UBAP2L: variants seen among roughly 807,000 people sequenced by gnomAD.
The protein encoded by UBAP2L is ubiquitin associated protein 2 like.
Under a neutral mutation model 130.6 loss-of-function variants are expected in UBAP2L, and 12 were observed. The ratio of observed to expected loss-of-function variants is 0.09; its 90% CI spans 0.06 to 0.15. The LOEUF (loss-of-function observed/expected upper bound fraction) is 0.15, where lower values mean the gene tolerates loss of function less well. Ranked by LOEUF, UBAP2L falls within the 10% of genes least tolerant of loss-of-function variation. UBAP2L has a pLI of 1.00. For missense variants in UBAP2L, 965 were observed against 1,332.5 expected, an observed-to-expected ratio of 0.72 and a Z score of 4.29; for synonymous variants, 503 against 524.7, an observed-to-expected ratio of 0.96 and a Z score of 0.57.
chr1:154,260,808 T>C (rs1681320379), intron 22 of UBAP2L, 84 bp from the exon 23 acceptor site: 5 of 1,338,808 alleles, frequency 3.7e-6, no homozygotes, highest in Non-Finnish European at 5.3e-6. Context: ...CAGGATCTCC[T>C]GGAATCATGT....
intron 10 of UBAP2L, among the ~76,000 whole-genome samples, chr1:154,244,376 TG>T (rs1247983924): frequency 6.6e-6 from 1 of 152,154 alleles, no homozygotes; most frequent in Non-Finnish European, 1.5e-5. Context: ...ACTGTTTTTT[TG>T]TTTTTGTTTT....
chr1:154,241,301 T>C (rs896789513), intron 8 of UBAP2L, among the ~76,000 whole-genome samples: 18 of 152,122 alleles, frequency 1.2e-4, no homozygotes, highest in Non-Finnish European at 2.4e-4. Context: ...TTGGTCAGGC[T>C]GGTCTCGAAC....
At chr1:154,256,339 T>G (rs920912865) in intron 18 of UBAP2L, among the ~76,000 whole-genome samples, 2 of 152,150 alleles carry the variant, frequency 1.3e-5, no homozygotes, top group Non-Finnish European at 2.9e-5. Flanking sequence ...AGTTTCAGAT[T>G]TAAAGTCAGA....
Position 154,257,217 on chromosome 1 carries a change from C to T in UBAP2L, c.2312C>T (p.Thr771Ile). 1 of 1,614,262 alleles carries T rather than the reference C, an allele frequency of 6.2e-7. No individual in the cohort carries two copies. Among genetic ancestry groups the T allele is most frequent in the Non-Finnish European group, 8.5e-7 (1 of 1,180,050 alleles). ...GGCCTCAGCCTAGGCAGCAACTCCA[C>T]TGTCACAGCCTCGACTCGAAGCTCA... Reference protein sequence around the residue: ...SLGLSLGSNSTVTASTRSSVA... With the variant: ...SLGLSLGSNSIVTASTRSSVA... The change falls in exon 19 of 27, where the codon ACT becomes ATT. Residue 771 changes from threonine to isoleucine, a missense_variant. Physicochemically the swap from Thr to Ile is moderately conservative, Grantham distance 89. Around this residue, in one of 9 missense-constraint regions of UBAP2L, gnomAD observed 393 missense variants for 408.1 expected, o/e 0.96. Transcript: ENST00000428931.
chr1:154,255,770 G>A lies in UBAP2L; in HGVS notation c.2157+15G>A. On this transcript the variant is annotated intron_variant, in intron 18 of 26. Transcript: ENST00000428931. ...CCACTCTTTTGGTAAGTGTGATGCT[G>A]AGAGGGATGTGTGGTTTTCTTACAC... 2 of 1,613,546 alleles carry A rather than the reference G, an allele frequency of 1.2e-6. No individual in the cohort carries two copies. Among genetic ancestry groups the A allele is most frequent in the Non-Finnish European group, 1.7e-6 (2 of 1,179,534 alleles).
At chr1:154,261,730 C>A (rs765920231) in intron 24 of UBAP2L, 33 bp downstream of exon 24, 26 of 1,601,052 alleles carry the variant, frequency 1.6e-5, no homozygotes, top group Non-Finnish European at 2.0e-5. Context: ...TCGGTGTTAT[C>A]TGTGGGGTGT....
intron 1 of UBAP2L, chr1:154,221,374 G>T (rs1666002967): frequency 6.5e-6 from 1 of 153,242 alleles, no homozygotes; most frequent in Non-Finnish European, 1.5e-5. Flanking sequence ...GCGCGAGCGA[G>T]CGAGGCCTGG....
chr1:154,234,530 A>G (rs1670995221), intron 4 of UBAP2L, 61 bp from the exon 5 acceptor site: 7 of 1,579,938 alleles, frequency 4.4e-6, no homozygotes, highest in Middle Eastern at 1.7e-4. Flanking sequence ...CCCAGCTTTC[A>G]TCTCTAGTGT....
chr1:154,249,194 AG>A, intron 11 of UBAP2L, 44 bp from the exon 12 acceptor site: 1 of 1,598,986 alleles, frequency 6.3e-7, no homozygotes. Context: ...TAGCTGAACA[AG>A]GTTACTGGCT....
At chr1:154,249,473 A>C in intron 12 of UBAP2L, 36 bp downstream of exon 12, 1 of 1,612,656 alleles carries the variant, frequency 6.2e-7, no homozygotes, top group Non-Finnish European at 8.5e-7. Context: ...TCTTTAAAGC[A>C]TTGGAGCATT....
intron 14 of UBAP2L, among the ~76,000 whole-genome samples, chr1:154,252,278 ATTT>A (rs1186353284): frequency 1.7e-4 from 18 of 108,976 alleles, no homozygotes; most frequent in Admixed American, 3.1e-4. Flanking sequence ...CCCAGCCCAG[ATTT>A]TTTTTTTTTT....
chr1:154,259,813 C>A, intron 21 of UBAP2L, 135 bp from the exon 22 acceptor site: 3 of 971,764 alleles, frequency 3.1e-6, no homozygotes, highest in Non-Finnish European at 4.9e-6. Flanking sequence ...TTTGTGCTAA[C>A]TCTAGCCAGC....
intron 22 of UBAP2L, among the ~76,000 whole-genome samples, chr1:154,260,562 G>A (rs1681225802): frequency 1.3e-5 from 2 of 152,138 alleles, no homozygotes; most frequent in African/African-American, 4.8e-5. Flanking sequence ...GTCCAGCATG[G>A]GGTATTCCCC....
At chr1:154,271,301 G>T, downstream of UBAP2L, 1 of 207,114 alleles carries the variant, frequency 4.8e-6, no homozygotes, top group Non-Finnish European at 9.8e-6. Flanking sequence ...AAGGCAACAT[G>T]TATCGTCTGG....
intron 2 of UBAP2L, among the ~76,000 whole-genome samples, chr1:154,225,473 T>C (rs1667608078): frequency 6.6e-6 from 1 of 152,106 alleles, no homozygotes; most frequent in African/African-American, 2.4e-5. Flanking sequence ...TTATCTTTTT[T>C]TTTTTTGTTT....
intron 2 of UBAP2L, 47 bp downstream of exon 2, chr1:154,225,260 A>T (rs368435119): frequency 1.3e-6 from 2 of 1,591,802 alleles, no homozygotes; most frequent in East Asian, 2.2e-5. Flanking sequence ...TTGCCTGCTG[A>T]TACTGGTTTC....
At chr1:154,262,954 G>A (rs188899808) in intron 24 of UBAP2L, 286 of 723,390 alleles carry the variant, frequency 4.0e-4, no homozygotes, top group Non-Finnish European at 4.5e-4. Context: ...AAGAGAATTG[G>A]CATACCTGAT....
At chr1:154,220,937 G>T (rs1665675962), upstream of UBAP2L, 3 of 180,440 alleles carry the variant, frequency 1.7e-5, no homozygotes, top group South Asian at 2.2e-4. Context: ...ACGTGACAGG[G>T]GCGGCGCGGC....
chr1:154,262,962 G>A, intron 24 of UBAP2L: 1 of 786,962 alleles, frequency 1.3e-6, no homozygotes, highest in South Asian at 2.0e-5. Context: ...TGGCATACCT[G>A]ATTCTAGAAA....
Sources: allele counts gnomAD v4.1 joint callset (sites outside exome capture counted in the v4.1 genomes callset), GRCh38; gene constraint gnomAD v4.1.1; regional missense constraint gnomAD v4.1.1; transcripts MANE v1.5; gene names NCBI Gene and HGNC (gene_info 2026-07-23, HGNC 2026-07-21).